Variants in FFAR4 observed in about 807,000 individuals in gnomAD.
FFAR4 encodes G-protein coupled receptor 120.
A neutral mutation model predicts 27.0 loss-of-function variants in FFAR4; 19 were observed. The ratio of observed to expected loss-of-function variants is 0.70; its 90% CI spans 0.49 to 1.03. The LOEUF (loss-of-function observed/expected upper bound fraction) is 1.03. Among genes scored for constraint, FFAR4 ranks in the 50% least tolerant of loss-of-function variants. The probability of loss-of-function intolerance (pLI) is 0.00; values close to 1 mark genes in which losing one functional copy is unlikely to be tolerated. For missense variants in FFAR4, 476 were observed against 479.0 expected (o/e 0.99, Z 0.06); for synonymous variants, 254 against 215.6 (o/e 1.18, Z -1.56).
intron 1 of FFAR4, among the ~76,000 whole-genome samples, chr10:93,569,244 T>C (rs1275652296): frequency 6.6e-6 from 1 of 152,232 alleles, no homozygotes; most frequent in East Asian, 1.9e-4. Flanking sequence ...CTTGAAGGTA[T>C]CTTAAGTTTT....
chr10:93,579,510 A>T (rs916032647), intron 2 of FFAR4, among the ~76,000 whole-genome samples: 1 of 152,186 alleles, frequency 6.6e-6, no homozygotes. Flanking sequence ...AAGTCTTCCC[A>T]TCAATCTCCA....
At chr10:93,578,365 C>T (rs1303853618) in intron 2 of FFAR4, among the ~76,000 whole-genome samples, 3 of 138,666 alleles carry the variant, frequency 2.2e-5, no homozygotes, top group Non-Finnish European at 4.5e-5. Flanking sequence ...TGCAGTAAGC[C>T]GAGATCGTGC....
At chr10:93,568,903 A>G (rs980607945) in intron 1 of FFAR4, among the ~76,000 whole-genome samples, 2 of 152,200 alleles carry the variant, frequency 1.3e-5, no homozygotes, top group African/African-American at 4.8e-5. Flanking sequence ...GCTTGTGGCC[A>G]TGTCCACTCA....
In FFAR4 at chr10:93,566,935, G is replaced by A. The variant is rs1343386306; in HGVS notation, c.215G>A (p.Gly72Asp). Residue 72 changes from glycine (G) to aspartate (D), a missense_variant, in exon 1 of 3, where the codon GGC (glycine) becomes GAC (aspartate). Gly to Asp is a moderately conservative substitution (Grantham distance 94). Coordinates refer to ENST00000371481, the MANE Select transcript of FFAR4 (RefSeq NM_001195755.2). ...CTGGTGGCGCGCCGACGACGCCGCG[G>A]CGCGACTGCCTGCCTGGTACTCAAC... Reference protein sequence around the residue: ...LVLVARRRRRGATACLVLNLF... With the variant: ...LVLVARRRRRDATACLVLNLF... 7 of 1,610,254 alleles carry A rather than the reference G, an allele frequency of 4.3e-6. No individual in the cohort carries two copies.
In FFAR4 at chr10:93,566,926, G is replaced by C; in HGVS notation, c.206G>C (p.Arg69Pro). The C allele has an allele frequency of 6.2e-7, 1 of 1,609,772 alleles. No individual in the cohort carries two copies. The highest frequency in any genetic ancestry group is 8.5e-7 in the Non-Finnish European group (1 of 1,179,154). The change falls in exon 1 of 3, where the codon CGA (arginine) becomes CCA (proline). Residue 69 changes from arginine to proline, a missense_variant. By Grantham distance (103) the Arg-to-Pro change is moderately radical. Coordinates refer to ENST00000371481, the MANE Select transcript of FFAR4 (RefSeq NM_001195755.2). ...GCCCTGGTGCTGGTGGCGCGCCGAC[G>C]ACGCCGCGGCGCGACTGCCTGCCTG... is the stretch of plus-strand genomic sequence containing the variant. ...VCALVLVARR[R>P]RRGATACLVL...
chr10:93,578,922 G>T (rs928115396), intron 2 of FFAR4, among the ~76,000 whole-genome samples: 3 of 152,140 alleles, frequency 2.0e-5, no homozygotes, highest in Admixed American at 6.5e-5. Flanking sequence ...GGCGCCAAGA[G>T]GGCTCTGGTC....
In FFAR4 at chr10:93,566,776, A is replaced by C; in HGVS notation, c.56A>C (p.Gln19Pro). ...GACGCGCCCTTGCGCAGCCTGGAGCAAGCCAACCGCACCCGCTTTCCCTTC... is the reference window on the plus strand; with the variant it reads ...GACGCGCCCTTGCGCAGCCTGGAGCCAGCCAACCGCACCCGCTTTCCCTTC... ...AGDAPLRSLEQANRTRFPFFS... is the reference protein window; with the variant it reads ...AGDAPLRSLEPANRTRFPFFS... The change falls in exon 1 of 3, where the codon CAA becomes CCA. Residue 19 changes from glutamine (Q) to proline (P), a missense_variant. Physicochemically the swap from Gln to Pro is moderately conservative, Grantham distance 76 (BLOSUM62 -1). Transcript: ENST00000371481. 6.2e-7 allele frequency: 1 copy of C among 1,608,522 alleles called. No homozygotes were observed. The highest frequency in any genetic ancestry group is 8.5e-7 in the Non-Finnish European group (1 of 1,179,188).
intron 2 of FFAR4, among the ~76,000 whole-genome samples, chr10:93,583,422 A>C (rs1337311669): frequency 6.6e-6 from 1 of 151,738 alleles, no homozygotes; most frequent in African/African-American, 2.4e-5. Flanking sequence ...CTTCAAAAAA[A>C]AAAAAAAAAG....
intron 2 of FFAR4, 148 bp from the exon 3 acceptor site, chr10:93,587,072 C>T (rs2058231603): frequency 4.6e-6 from 3 of 653,608 alleles, no homozygotes; most frequent in Non-Finnish European, 7.7e-6. Flanking sequence ...ATTTCTCCAG[C>T]ACATCCTAAG....
At position 93,567,006 on chromosome 10, in the gene FFAR4, C is replaced by A. The variant is rs1413989238; in HGVS notation, c.286C>A (p.Leu96Met). Residue 96 changes from leucine to methionine, a missense_variant, in exon 1 of 3, where the codon CTG becomes ATG. Physicochemically the swap from Leu to Met is conservative, Grantham distance 15. Transcript: ENST00000371481. ...CTTCATCAGCGCTATCCCTCTGGTG[C>A]TGGCCGTGCGCTGGACTGAGGCCTG... ...LLFISAIPLV[L>M]AVRWTEAWLL... The A allele has an allele frequency of 9.9e-6, 16 of 1,611,792 alleles. No homozygotes were observed. Among genetic ancestry groups the A allele is most frequent in the African/African-American group, 1.3e-5 (1 of 74,934 alleles).
intron 1 of FFAR4, among the ~76,000 whole-genome samples, chr10:93,571,486 G>A (rs767782298): frequency 6.6e-5 from 10 of 152,100 alleles, no homozygotes; most frequent in Non-Finnish European, 1.3e-4. Flanking sequence ...TGCAAGAGAT[G>A]GAACCAGAAT....
chr10:93,574,659 C>T (rs1279453506), intron 1 of FFAR4, among the ~76,000 whole-genome samples: 2 of 151,752 alleles, frequency 1.3e-5, no homozygotes, highest in East Asian at 1.9e-4. Context: ...GAGGCCAAGG[C>T]GGGCGGATCA....
Position 93,588,379 on chromosome 10 carries a change from A to T in FFAR4, c.*770A>T, listed in dbSNP as rs183539937. ...AGCAATTGAAGAATTTCTAAGGAAC[A>T]GTTAAAGATGACTTACTTTTTTTTT... On this transcript the variant is annotated 3_prime_UTR_variant, in exon 3 of 3. Transcript: ENST00000371481. The T allele has an allele frequency of 2.6e-5, 4 of 150,978 alleles. No individual in the cohort carries two copies. The East Asian group carries it at 7.8e-4, about 29-fold the overall frequency. 9.4% of individuals were successfully genotyped at this position (150,978 alleles called of 1,614,324 possible).
intron 2 of FFAR4, chr10:93,579,147 T>C (rs1278123409): frequency 1.9e-6 from 3 of 1,613,666 alleles, no homozygotes; most frequent in Non-Finnish European, 2.5e-6. Flanking sequence ...CCTTCACTTC[T>C]CCCCATTACA....
In FFAR4 at chr10:93,567,041, C is replaced by A. The variant is rs1326200056; in HGVS notation, c.321C>A (p.Gly107=). The A allele has an allele frequency of 3.1e-6, 5 of 1,611,450 alleles. No homozygotes were observed. The highest frequency in any genetic ancestry group is 3.3e-4 in the Middle Eastern group (2 of 6,082). The change falls in exon 1 of 3, where the codon GGC becomes GGA. Residue 107 remains glycine (G), a synonymous_variant. Transcript: ENST00000371481. ...GCTGGACTGAGGCCTGGCTGCTGGG[C>A]CCCGTTGCCTGCCACCTGCTCTTCT... The part of the protein sequence containing the change: ...AVRWTEAWLL[G]PVACHLLFYV...
Position 93,587,868 on chromosome 10 carries a change from C to G in FFAR4, c.*259C>G, listed in dbSNP as rs1473835073. 2.8e-6 allele frequency: 1 copy of G among 361,614 alleles called. No homozygotes were observed. The highest frequency in any genetic ancestry group is 3.2e-5 in the South Asian group (1 of 30,880). The allele number at this position is 361,614 out of a possible 1,614,324, so 22.4% of individuals were successfully genotyped here. A position where few individuals can be genotyped will look rare whatever the true frequency, so the allele number is the denominator to read the frequency against. On this transcript the variant is annotated 3_prime_UTR_variant, in exon 3 of 3. Transcript: ENST00000371481. The stretch of plus-strand genomic sequence containing the variant: ...TGGGAGGCTGAGGTGGGTGGATCAC[C>G]TGAGGTCAGGAGTTCGAGACCAACC...
At chr10:93,584,972 C>T (rs373807843) in intron 2 of FFAR4, among the ~76,000 whole-genome samples, 189 of 152,258 alleles carry the variant, frequency 1.2e-3, no homozygotes, top group African/African-American at 4.0e-3. Context: ...CCTCCCAAAG[C>T]GCTGAGATTC....
At chr10:93,576,366 G>T in intron 2 of FFAR4, 147 bp downstream of exon 2, 1 of 740,016 alleles carries the variant, frequency 1.4e-6, no homozygotes, top group Non-Finnish European at 2.2e-6. Context: ...CACTGAGGAA[G>T]GAGAGGATTT....
Position 93,587,702 on chromosome 10 carries a change from CT to C in FFAR4, c.*96del, listed in dbSNP as rs2058237721. 8.0e-7 allele frequency: 1 copy of C among 1,252,038 alleles called. No homozygotes were observed. 77.6% of individuals were successfully genotyped at this position (1,252,038 alleles called of 1,614,324 possible). ...CAGTACCCTCCATCAGTGCACCCTG[CT>C]TTAAGAAAATGAACCTATGCAAATA... On this transcript the variant is annotated 3_prime_UTR_variant, in exon 3 of 3. Transcript: ENST00000371481.
Sources: gnomAD v4.1 joint callset for allele counts (sites outside exome capture counted in the v4.1 genomes callset) on GRCh38, gnomAD v4.1.1 for gene constraint, MANE v1.5 for transcripts, NCBI Gene and HGNC (gene_info 2026-07-23, HGNC 2026-07-21) for gene names.